Variants in SRPK2 observed in about 807,000 individuals in gnomAD.
SRPK2 encodes SFRS protein kinase 2.
SRPK2 carries 21 observed loss-of-function variants against 90.8 expected under a neutral mutation model. The ratio of observed to expected loss-of-function variants is 0.23; its 90% CI spans 0.16 to 0.33. SRPK2 has a LOEUF of 0.33. Ranked by LOEUF, SRPK2 falls within the 10% of genes least tolerant of loss-of-function variation. The pLI is 1.00. For missense variants in SRPK2, 620 were observed against 869.0 expected, an observed-to-expected ratio of 0.71 and a Z score of 3.60; for synonymous variants, 288 against 311.1, an observed-to-expected ratio of 0.93 and a Z score of 0.78.
intron 13 of SRPK2, among the ~76,000 whole-genome samples, chr7:105,127,356 G>A (rs931796561): frequency 6.6e-6 from 1 of 152,138 alleles, no homozygotes; most frequent in East Asian, 1.9e-4. Context: ...GCCAGAGCGC[G>A]GTATGCACTC....
At chr7:105,382,071 G>A (rs952103739) in intron 2 of SRPK2, among the ~76,000 whole-genome samples, 13 of 152,092 alleles carry the variant, frequency 8.5e-5, no homozygotes, top group African/African-American at 3.1e-4. Context: ...GGGAGGCTGA[G>A]CCAGGAGAAT....
At chr7:105,331,715 T>C (rs189311233) in intron 2 of SRPK2, among the ~76,000 whole-genome samples, 2 of 151,852 alleles carry the variant, frequency 1.3e-5, no homozygotes, top group Admixed American at 6.6e-5. Flanking sequence ...ACACAGTAAA[T>C]AGCACAAAAA....
chr7:105,372,246 T>G (rs1431311963), intron 2 of SRPK2, among the ~76,000 whole-genome samples: 1 of 149,712 alleles, frequency 6.7e-6, no homozygotes, highest in Non-Finnish European at 1.5e-5. Context: ...AATGTCTACA[T>G]AAAACAGCTT....
intron 2 of SRPK2, among the ~76,000 whole-genome samples, chr7:105,319,517 G>A (rs1186565425): frequency 1.1e-5 from 1 of 88,472 alleles, no homozygotes; most frequent in African/African-American, 3.5e-5. Context: ...GGGGGGGGGG[G>A]GCGGTGGATG....
chr7:105,376,830 G>A (rs191343155), intron 2 of SRPK2, among the ~76,000 whole-genome samples: 104 of 76,598 alleles, frequency 1.4e-3, no homozygotes, highest in Middle Eastern at 6.7e-3. Context: ...GAGCCACCAC[G>A]CCCGCCCCCC....
intron 2 of SRPK2, among the ~76,000 whole-genome samples, chr7:105,339,561 A>G (rs780314756): frequency 1.3e-5 from 2 of 152,246 alleles, no homozygotes; most frequent in Non-Finnish European, 2.9e-5. Context: ...ACACTGAGTG[A>G]CAATGGTCAA....
At chr7:105,181,072 AT>A (rs1792722378) in intron 3 of SRPK2, among the ~76,000 whole-genome samples, 1 of 152,172 alleles carries the variant, frequency 6.6e-6, no homozygotes, top group Non-Finnish European at 1.5e-5. Context: ...ATGAATAGAC[AT>A]TTTCAAAAGA....
intron 11 of SRPK2, among the ~76,000 whole-genome samples, chr7:105,140,078 G>C (rs1803484014): frequency 6.6e-6 from 1 of 152,100 alleles, no homozygotes. Flanking sequence ...TAAATGGTAT[G>C]TAAATAGTTG....
At chr7:105,156,829 T>C (rs1012932181) in intron 7 of SRPK2, among the ~76,000 whole-genome samples, 1 of 152,132 alleles carries the variant, frequency 6.6e-6, no homozygotes, top group African/African-American at 2.4e-5. Flanking sequence ...CCCACTTTTA[T>C]TGATGATGAA....
intron 3 of SRPK2, among the ~76,000 whole-genome samples, chr7:105,197,836 T>C (rs1347453046): frequency 6.6e-6 from 1 of 152,186 alleles, no homozygotes; most frequent in East Asian, 1.9e-4. Flanking sequence ...TCTCCAGAAA[T>C]AATTCAAGAG....
intron 2 of SRPK2, among the ~76,000 whole-genome samples, chr7:105,321,201 C>T (rs1812900169): frequency 6.6e-6 from 1 of 152,136 alleles, no homozygotes; most frequent in South Asian, 2.1e-4. Flanking sequence ...ACAGTCTGCA[C>T]ATGAAGACCA....
At chr7:105,176,388 G>A (rs1392198879) in intron 3 of SRPK2, among the ~76,000 whole-genome samples, 1 of 151,980 alleles carries the variant, frequency 6.6e-6, no homozygotes, top group Admixed American at 6.6e-5. Context: ...CCTAATATCA[G>A]AAACAAGATA....
chr7:105,368,912 G>C (rs1228619118), intron 2 of SRPK2, among the ~76,000 whole-genome samples: 1 of 149,208 alleles, frequency 6.7e-6, no homozygotes, highest in Non-Finnish European at 1.5e-5. Context: ...AAAAGACTCA[G>C]GCTCCTTCAG....
chr7:105,339,928 C>A (rs1585781931), intron 2 of SRPK2, among the ~76,000 whole-genome samples: 1 of 152,036 alleles, frequency 6.6e-6, no homozygotes, highest in African/African-American at 2.4e-5. Flanking sequence ...CGCAGTGGCA[C>A]ACACCTGTAG....
At chr7:105,261,731 G>C (rs1804323683) in intron 2 of SRPK2, among the ~76,000 whole-genome samples, 1 of 152,126 alleles carries the variant, frequency 6.6e-6, no homozygotes, top group African/African-American at 2.4e-5. Context: ...TGTGATGAAA[G>C]CACTTCTATA....
chr7:105,117,792 T>C lies in SRPK2; in HGVS notation c.*46A>G, dbSNP rs1799772075. On this transcript the variant is annotated 3_prime_UTR_variant, in exon 16 of 16. Coordinates refer to ENST00000393651, the MANE Select transcript of SRPK2 (RefSeq NM_182692.3). ...TGAGAGTCACCGTTTAGGTCCAATG[T>C]ACTGGGAACATTTGCTAGCTCAGAA... 1 of 1,596,090 alleles carries C rather than the reference T, an allele frequency of 6.3e-7. No homozygotes were observed. The highest frequency in any genetic ancestry group is 1.7e-5 in the Admixed American group (1 of 59,796).
intron 2 of SRPK2, among the ~76,000 whole-genome samples, chr7:105,340,014 T>C (rs943197582): frequency 2.0e-5 from 3 of 146,734 alleles, no homozygotes; most frequent in South Asian, 2.2e-4. Flanking sequence ...GCCAAGATTA[T>C]GCCACTGCAC....
chr7:105,143,316 A>G lies in SRPK2; in HGVS notation c.828T>C (p.Ser276=). 1 of 1,611,548 alleles carries G rather than the reference A, an allele frequency of 6.2e-7. No individual in the cohort carries two copies. Among genetic ancestry groups the G allele is most frequent in the South Asian group, 1.1e-5 (1 of 90,736 alleles). Residue 276 remains serine (S), a synonymous_variant, in exon 10 of 16, where the codon TCT becomes TCC. Coordinates refer to ENST00000393651, the MANE Select transcript of SRPK2 (RefSeq NM_182692.3). ...APQQKPIGKI[S]KNKKKKLKKK... is the part of the protein sequence containing the mutation. ...TTTTCAGTTTTTTCTTTTTGTTTTT[A>G]GATATTTTTCCTATCTATGTTAAGG...
intron 2 of SRPK2, among the ~76,000 whole-genome samples, chr7:105,249,240 T>C (rs1388948311): frequency 6.6e-6 from 1 of 152,252 alleles, no homozygotes; most frequent in African/African-American, 2.4e-5. Flanking sequence ...ACATAGCTTT[T>C]AGAGCATCTC....
Sources: allele counts gnomAD v4.1 joint callset (sites outside exome capture counted in the v4.1 genomes callset), GRCh38; gene constraint gnomAD v4.1.1; transcripts MANE v1.5; gene names NCBI Gene and HGNC (gene_info 2026-07-23, HGNC 2026-07-21).